Variants in CDH8 observed in about 807,000 individuals in gnomAD.
CDH8 encodes cadherin 8, also known as cadherin-8.
CDH8 carries 17 observed loss-of-function variants against 68.1 expected under a neutral mutation model. That is an observed-to-expected ratio of 0.25 (90% CI 0.17 to 0.37). CDH8 has a LOEUF of 0.37. Ranked by LOEUF, CDH8 falls within the 10% of genes least tolerant of loss-of-function variation. CDH8 has a pLI of 1.00. For synonymous variants in CDH8, 372 were observed against 365.1 expected (o/e 1.02, Z -0.21); for missense variants, 763 against 999.3 (o/e 0.76, Z 3.19).
rs1964453146 is a variant in CDH8 at position 61,702,530 on chromosome 16, C to T, written c.1654+11311G>A. On this transcript the variant is annotated intron_variant, in intron 10 of 11. Coordinates refer to ENST00000577390, the MANE Select transcript of CDH8 (RefSeq NM_001796.5). ...ATATAGTTGCTGCTCATGAAGTAGT[C>T]GGTACAATTATCATGTTGTGATCTA... Among the ~76,000 whole-genome samples the T allele has an allele frequency of 2.0e-5, 3 of 152,034 alleles. No homozygotes were observed. In the South Asian group the frequency reaches 6.2e-4, roughly 32 times the overall value.
At chr16:61,680,575 A>AT (rs1158194453) in intron 10 of CDH8, among the ~76,000 whole-genome samples, 3 of 151,678 alleles carry the variant, frequency 2.0e-5, no homozygotes, top group Non-Finnish European at 4.4e-5. Flanking sequence ...GAGAACAAGG[A>AT]TTTTTTTAAT....
intron 3 of CDH8, among the ~76,000 whole-genome samples, chr16:61,870,128 T>C (rs1963329306): frequency 6.6e-6 from 1 of 152,176 alleles, no homozygotes; most frequent in South Asian, 2.1e-4. Context: ...AATCGATGTA[T>C]CTAGAAGAAA....
At chr16:61,700,732 G>C (rs2142848211) in intron 10 of CDH8, among the ~76,000 whole-genome samples, 1 of 152,300 alleles carries the variant, frequency 6.6e-6, no homozygotes, top group Non-Finnish European at 1.5e-5. Context: ...GTTACTGGTA[G>C]GAGTGATAGA....
In CDH8 at chr16:61,717,282, A is replaced by G. The variant is rs1442641533; in HGVS notation, c.1537-3324T>C. On this transcript the variant is annotated intron_variant, in intron 9 of 11. Transcript: ENST00000577390. ...ATGTCTTTATTAGAGAAAACAAAGC[A>G]TATCTGGGATGTTGGGATAAGGAAA... is the stretch of plus-strand genomic sequence containing the variant. Among the ~76,000 whole-genome samples, 4 of 151,650 alleles carry G rather than the reference A, an allele frequency of 2.6e-5. No individual in the cohort carries two copies. In the East Asian group the frequency reaches 7.8e-4, roughly 29 times the overall value.
At chr16:61,819,768 A>G (rs2143000453) in intron 6 of CDH8, among the ~76,000 whole-genome samples, 1 of 152,212 alleles carries the variant, frequency 6.6e-6, no homozygotes, top group East Asian at 1.9e-4. Flanking sequence ...TTACAGTCAT[A>G]TCTACATAAT....
chr16:61,668,675 A>T (rs954441077), intron 10 of CDH8, among the ~76,000 whole-genome samples: 7 of 151,692 alleles, frequency 4.6e-5, no homozygotes, highest in African/African-American at 1.7e-4. Flanking sequence ...TAGGAAAAAA[A>T]AAAAACAAAC....
intron 10 of CDH8, among the ~76,000 whole-genome samples, chr16:61,681,927 G>T (rs1964019656): frequency 6.6e-6 from 1 of 151,768 alleles, no homozygotes; most frequent in Non-Finnish European, 1.5e-5. Context: ...GATGCTAACG[G>T]TATTCATAAT....
intron 5 of CDH8, among the ~76,000 whole-genome samples, chr16:61,822,106 G>A (rs1379254247): frequency 6.9e-6 from 1 of 143,910 alleles, no homozygotes; most frequent in Non-Finnish European, 1.5e-5. Context: ...GGATAACTTT[G>A]AGTTTTTTCT....
At chr16:61,948,478 G>T (rs78307810) in intron 2 of CDH8, among the ~76,000 whole-genome samples, 1,917 of 152,196 alleles carry the variant, frequency 0.013, 37 homozygotes, top group African/African-American at 0.04. Context: ...TCCCCCAAAG[G>T]TTATCTAAAT....
At chr16:61,726,982 C>T (rs1399621976) in intron 9 of CDH8, 112 bp downstream of exon 9, 1 of 1,151,452 alleles carries the variant, frequency 8.7e-7, no homozygotes, top group Non-Finnish European at 1.3e-6. Context: ...TGTTTCTTGC[C>T]TGAGACTTTG....
At chr16:61,783,004 A>G (rs1961124431) in intron 8 of CDH8, among the ~76,000 whole-genome samples, 3 of 150,554 alleles carry the variant, frequency 2.0e-5, no homozygotes, top group Admixed American at 6.6e-5. Flanking sequence ...GAACAGAAAA[A>G]CTGGAAACTC....
chr16:61,799,670 A>G (rs577009359), intron 7 of CDH8, among the ~76,000 whole-genome samples: 2 of 152,286 alleles, frequency 1.3e-5, no homozygotes, highest in African/African-American at 4.8e-5. Context: ...AGTGGTTTCC[A>G]TTTTGGTAAA....
At chr16:61,900,289 T>C (rs549222988) in intron 3 of CDH8, among the ~76,000 whole-genome samples, 1 of 152,298 alleles carries the variant, frequency 6.6e-6, no homozygotes, top group South Asian at 2.1e-4. Context: ...GCTATGTGAC[T>C]TTACTACATA....
Position 62,006,800 on chromosome 16 carries a change from A to T in CDH8, c.252+14352T>A, listed in dbSNP as rs949652814. On this transcript the variant is annotated intron_variant, in intron 2 of 11. Coordinates refer to ENST00000577390, the MANE Select transcript of CDH8 (RefSeq NM_001796.5). Reference sequence around the variant, plus strand: ...TTCTGTGGCCATTTTAGATCATTTTAAAATTAACTGCATAAATTAAGTTGT... The same window carrying T: ...TTCTGTGGCCATTTTAGATCATTTTTAAATTAACTGCATAAATTAAGTTGT... 7.2e-5 allele frequency among the ~76,000 whole-genome samples: 11 copies of T among 152,252 alleles called. No homozygotes were observed. The East Asian group carries it at 9.6e-4, about 13-fold the overall frequency.
At position 61,649,913 on chromosome 16, in the gene CDH8, C is replaced by T. The variant is rs1463842127; in HGVS notation, c.*3695G>A. 6.6e-6 allele frequency: 1 copy of T among 152,228 alleles called. No individual in the cohort carries two copies. Among genetic ancestry groups the T allele is most frequent in the East Asian group, 1.9e-4 (1 of 5,148 alleles). 9.4% of individuals were successfully genotyped at this position (152,228 alleles called of 1,614,324 possible). On this transcript the variant is annotated 3_prime_UTR_variant, in exon 12 of 12. Transcript: ENST00000577390. ...AAGTCTCATGCAGAGACTTGTCTTA[C>T]TTTAAGCATCTGATTAAGCAGACTC...
chr16:61,943,840 G>A (rs778373709), intron 2 of CDH8, among the ~76,000 whole-genome samples: 1 of 152,134 alleles, frequency 6.6e-6, no homozygotes, highest in Non-Finnish European at 1.5e-5. Flanking sequence ...CACAGAGAAG[G>A]CATCTTTGGA....
intron 3 of CDH8, among the ~76,000 whole-genome samples, chr16:61,863,036 TATA>T (rs1963181329): frequency 6.6e-6 from 1 of 152,278 alleles, no homozygotes; most frequent in Non-Finnish European, 1.5e-5. Context: ...TGATCCTAAT[TATA>T]ATAATATAGC....
intron 2 of CDH8, among the ~76,000 whole-genome samples, chr16:61,966,936 G>A (rs1965261578): frequency 6.6e-6 from 1 of 152,168 alleles, no homozygotes; most frequent in South Asian, 2.1e-4. Flanking sequence ...CAGGCATGGT[G>A]GCTCACACCT....
chr16:61,812,848 C>T (rs565972591), intron 7 of CDH8, among the ~76,000 whole-genome samples: 3 of 152,112 alleles, frequency 2.0e-5, no homozygotes, highest in East Asian at 3.9e-4. Context: ...TCTCGTCCTG[C>T]GTTTACGTGC....
Sources: gnomAD v4.1 joint callset for allele counts (sites outside exome capture counted in the v4.1 genomes callset) on GRCh38, gnomAD v4.1.1 for gene constraint, MANE v1.5 for transcripts, NCBI Gene and HGNC (gene_info 2026-07-23, HGNC 2026-07-21) for gene names.